NSUN7: variants seen among roughly 807,000 people sequenced by gnomAD.
NSUN7 encodes the protein protein NSUN7.
In NSUN7, 39 loss-of-function variants were observed where a neutral mutation model predicts 58.5. The ratio of observed to expected loss-of-function variants is 0.67; its 90% CI spans 0.52 to 0.87. NSUN7 has a LOEUF of 0.87. Among genes scored for constraint, NSUN7 ranks in the 40% least tolerant of loss-of-function variants. The probability of loss-of-function intolerance (pLI) is 0.00; values close to 1 mark genes in which losing one functional copy is unlikely to be tolerated. For missense variants in NSUN7, 765 were observed against 844.1 expected (o/e 0.91, Z 1.16); for synonymous variants, 278 against 303.7 (o/e 0.92, Z 0.88).
intron 3 of NSUN7, among the ~76,000 whole-genome samples, chr4:40,760,862 CAAAAAAA>C (rs540410744): frequency 1.7e-5 from 1 of 60,200 alleles, no homozygotes; most frequent in Non-Finnish European, 3.7e-5. Context: ...AACTCCGTCT[CAAAAAAA>C]AAAAAAAAAA....
intron 4 of NSUN7, among the ~76,000 whole-genome samples, chr4:40,772,804 A>G (rs1027327983): frequency 2.0e-5 from 3 of 152,166 alleles, no homozygotes; most frequent in Non-Finnish European, 2.9e-5. Context: ...CCCCTTCTGT[A>G]CCACCCACCA....
intron 2 of NSUN7, among the ~76,000 whole-genome samples, chr4:40,756,168 C>A (rs754017285): frequency 6.6e-6 from 1 of 152,192 alleles, no homozygotes; most frequent in African/African-American, 2.4e-5. Context: ...AAAGGCCAAC[C>A]GTTTCTTTAG....
At chr4:40,758,496 C>T (rs1741283684) in intron 2 of NSUN7, among the ~76,000 whole-genome samples, 1 of 151,954 alleles carries the variant, frequency 6.6e-6, no homozygotes, top group Admixed American at 6.6e-5. Flanking sequence ...TCTGTGCTCC[C>T]AAATTAGTCA....
At chr4:40,783,817 T>C (rs1037437230) in intron 7 of NSUN7, among the ~76,000 whole-genome samples, 2 of 151,392 alleles carry the variant, frequency 1.3e-5, no homozygotes, top group South Asian at 4.2e-4. Context: ...CACTGCACTC[T>C]AGCCTAGGCA....
chr4:40,753,862 T>A (rs1371138188), intron 2 of NSUN7, among the ~76,000 whole-genome samples: 1 of 151,066 alleles, frequency 6.6e-6, no homozygotes, highest in Non-Finnish European at 1.5e-5. Flanking sequence ...TAAGGGGGAG[T>A]TTCCCTGCAC....
In NSUN7 at chr4:40,754,002, G is replaced by A. The variant is rs556691105; in HGVS notation, c.298+3011G>A. Among the ~76,000 whole-genome samples the A allele has an allele frequency of 6.6e-5, 10 of 151,916 alleles. No individual in the cohort carries two copies. In the South Asian group the frequency reaches 1.0e-3, roughly 16 times the overall value. ...TGTCTTTTGTAAATTCCCCAGTCTC[G>A]GGTATATCTTTATCAGCAGCATAAA... On this transcript the variant is annotated intron_variant, in intron 2 of 11. Transcript: ENST00000381782.
chr4:40,765,513 G>A (rs369611294), intron 4 of NSUN7, among the ~76,000 whole-genome samples: 24 of 151,498 alleles, frequency 1.6e-4, no homozygotes, highest in East Asian at 3.9e-4. Flanking sequence ...GTCAGGTAGC[G>A]TGATGCCTCC....
At position 40,786,593 on chromosome 4, in the gene NSUN7, C is replaced by G. The variant is rs548501227; in HGVS notation, c.1037-4009C>G. On this transcript the variant is annotated intron_variant, in intron 7 of 11. Coordinates refer to ENST00000381782, the MANE Select transcript of NSUN7 (RefSeq NM_024677.6). Reference sequence around the variant, plus strand: ...ATGGGTGACCTGAGTTCATCAACTCCTTGGCATTTGCAGCCTACCTGTGCA... The same window carrying G: ...ATGGGTGACCTGAGTTCATCAACTCGTTGGCATTTGCAGCCTACCTGTGCA... 70 of 1,613,240 alleles carry G rather than the reference C, an allele frequency of 4.3e-5. No individual in the cohort carries two copies. In the Admixed American group the frequency reaches 1.1e-3, roughly 26 times the overall value.
At chr4:40,759,126 A>G (rs1483615558) in intron 2 of NSUN7, among the ~76,000 whole-genome samples, 1 of 152,100 alleles carries the variant, frequency 6.6e-6, no homozygotes, top group African/African-American at 2.4e-5. Context: ...CCTGGTCAAC[A>G]TGGTGAAACC....
At chr4:40,752,970 C>CAT (rs1740913840) in intron 2 of NSUN7, among the ~76,000 whole-genome samples, 1 of 152,224 alleles carries the variant, frequency 6.6e-6, no homozygotes, top group Admixed American at 6.5e-5. Context: ...TGTTGTATTT[C>CAT]ATGCAATGAA....
chr4:40,797,927 C>T (rs760218608), intron 9 of NSUN7, among the ~76,000 whole-genome samples: 22 of 152,154 alleles, frequency 1.4e-4, no homozygotes, highest in Non-Finnish European at 2.4e-4. Context: ...TGGAACATAC[C>T]AGCACCATGT....
intron 7 of NSUN7, 58 bp downstream of exon 7, chr4:40,776,317 T>A: frequency 8.3e-7 from 1 of 1,202,150 alleles, no homozygotes; most frequent in South Asian, 1.5e-5. Flanking sequence ...TTAGAAACGT[T>A]AAAAAGTTTT....
chr4:40,761,380 T>C, intron 4 of NSUN7, 79 bp downstream of exon 4: 4 of 1,150,924 alleles, frequency 3.5e-6, no homozygotes, highest in Non-Finnish European at 5.0e-6. Context: ...TACAGTATAA[T>C]GTGTAGATAA....
In NSUN7 at chr4:40,795,350, C is replaced by T. The variant is rs193169510; in HGVS notation, c.1282+874C>T. The stretch of plus-strand genomic sequence containing the variant: ...AAGTAAATAGAAAGCACAGAGGAGG[C>T]TTTTTCTTTTAGTTCATATTGCTAA... On this transcript the variant is annotated intron_variant, in intron 9 of 11. Transcript: ENST00000381782. Among the ~76,000 whole-genome samples the T allele has an allele frequency of 5.1e-3, 772 of 152,152 alleles. 6 individuals carry two copies. The highest frequency in any genetic ancestry group is 0.018 in the African/African-American group (734 of 41,534).
chr4:40,774,274 A>G lies in NSUN7; in HGVS notation c.498A>G (p.Ile166Met). ...EVENLLNSFK[I>M]KLAAALARCR... ...GATTTTCTGTCTCTAGTTTTAAGAT[A>G]AAATTGGCTGCAGCATTGGCAAGAT... Residue 166 changes from isoleucine to methionine, a missense_variant, in exon 5 of 12, where the codon ATA becomes ATG. By Grantham distance (10) the Ile-to-Met change is conservative. Transcript: ENST00000381782. The G allele has an allele frequency of 6.2e-7, 1 of 1,614,030 alleles. No homozygotes were observed. Among genetic ancestry groups the G allele is most frequent in the African/African-American group, 1.3e-5 (1 of 75,058 alleles).
chr4:40,781,868 G>A (rs1742582876), intron 7 of NSUN7, among the ~76,000 whole-genome samples: 1 of 152,188 alleles, frequency 6.6e-6, no homozygotes, highest in African/African-American at 2.4e-5. Context: ...AAAAAGAGCT[G>A]CAGACAAATA....
At chr4:40,766,740 A>C (rs1741749953) in intron 4 of NSUN7, among the ~76,000 whole-genome samples, 1 of 152,056 alleles carries the variant, frequency 6.6e-6, no homozygotes, top group African/African-American at 2.4e-5. Context: ...TAAGCTATTG[A>C]TTATTGCCAC....
chr4:40,780,754 TACAC>T lies in NSUN7; in HGVS notation c.1036+4525_1036+4528del, dbSNP rs796117262. On this transcript the variant is annotated intron_variant, in intron 7 of 11. Coordinates refer to ENST00000381782, the MANE Select transcript of NSUN7 (RefSeq NM_024677.6). Reference sequence around the variant, plus strand: ...TTAAAATATTATGTAAACATTGAAATACACACACACACACACACACACACACACA... The same window carrying T: ...TTAAAATATTATGTAAACATTGAAATACACACACACACACACACACACACA... Among the ~76,000 whole-genome samples the T allele has an allele frequency of 3.5e-3, 362 of 104,250 alleles. 2 individuals carry two copies. Among genetic ancestry groups the T allele is most frequent in the African/African-American group, 9.3e-3 (242 of 26,116 alleles). 68.4% of individuals were successfully genotyped at this position (104,250 alleles called of 152,430 possible).
At chr4:40,790,939 G>A (rs1743050660) in intron 8 of NSUN7, among the ~76,000 whole-genome samples, 194 bp downstream of exon 8, 1 of 152,000 alleles carries the variant, frequency 6.6e-6, no homozygotes, top group South Asian at 2.1e-4. Context: ...AATAGACCAG[G>A]GTGATATTCA....
Sources: gnomAD v4.1 joint callset for allele counts (sites outside exome capture counted in the v4.1 genomes callset) on GRCh38, gnomAD v4.1.1 for gene constraint, MANE v1.5 for transcripts, NCBI Gene and HGNC (gene_info 2026-07-23, HGNC 2026-07-21) for gene names.